NFE2L3: variants seen among roughly 807,000 people sequenced by gnomAD.
The protein encoded by NFE2L3 is NFE2 like bZIP transcription factor 3, also known as nuclear factor erythroid 2-related factor 3.
A neutral mutation model predicts 23.5 loss-of-function variants in NFE2L3; 18 were observed. That is an observed-to-expected ratio of 0.77 (90% CI 0.53 to 1.13). The LOEUF (loss-of-function observed/expected upper bound fraction) is 1.13. NFE2L3 is among the 50% of genes most tolerant of loss of function. The pLI, the probability that NFE2L3 is intolerant of heterozygous loss-of-function variation, is 0.00. For missense variants in NFE2L3, 1,152 were observed against 877.2 expected, an observed-to-expected ratio of 1.31 and a Z score of -3.96; for synonymous variants, 424 against 354.5, an observed-to-expected ratio of 1.20 and a Z score of -2.20.
chr7:26,184,470 GTAATAGAACT>G (rs1782428062), intron 3 of NFE2L3, 53 bp from the exon 4 acceptor site: 1 of 1,448,500 alleles, frequency 6.9e-7, no homozygotes, highest in African/African-American at 1.4e-5. Context: ...AAGTTGTTAG[GTAATAGAACT>G]GCTTCAGAAA....
At chr7:26,158,047 T>C (rs1784109178) in intron 1 of NFE2L3, among the ~76,000 whole-genome samples, 1 of 119,276 alleles carries the variant, frequency 8.4e-6, no homozygotes, top group Non-Finnish European at 1.8e-5. Context: ...TTTTTTTGTT[T>C]TGTTTTGTTT....
At position 26,176,991 on chromosome 7, in the gene NFE2L3, A is replaced by T. The variant is rs35904773; in HGVS notation, c.571-952A>T. Among the ~76,000 whole-genome samples, 3 of 24,106 alleles carry T rather than the reference A, an allele frequency of 1.2e-4. 1 individual carries two copies. The highest frequency in any genetic ancestry group is 1.0e-3 in the African/African-American group (2 of 1,988). The allele number at this position is 24,106 out of a possible 152,430, so 15.8% of individuals were successfully genotyped here. Reference sequence around the variant, plus strand: ...GCAGCCGGGCAGAGGCGCTCCTCACATCCCAGACGGGGTGGCCGGGCAGAG... The same window carrying T: ...GCAGCCGGGCAGAGGCGCTCCTCACTTCCCAGACGGGGTGGCCGGGCAGAG... On this transcript the variant is annotated intron_variant, in intron 1 of 3. Transcript: ENST00000056233.
chr7:26,184,316 C>G (rs1782418454), intron 3 of NFE2L3: 2 of 516,766 alleles, frequency 3.9e-6, no homozygotes, highest in Non-Finnish European at 6.8e-6. Context: ...ACTAATCCAT[C>G]TTAATTTCTA....
intron 2 of NFE2L3, among the ~76,000 whole-genome samples, chr7:26,182,868 A>T (rs1006197096): frequency 6.6e-6 from 1 of 152,166 alleles, no homozygotes; most frequent in African/African-American, 2.4e-5. Flanking sequence ...GTCACGACTC[A>T]CTGCAGCCTC....
chr7:26,168,293 C>T (rs1412888003), intron 1 of NFE2L3, among the ~76,000 whole-genome samples: 11 of 151,702 alleles, frequency 7.3e-5, no homozygotes, highest in Non-Finnish European at 1.3e-4. Context: ...CACGCCACCA[C>T]ACCTGGCTAA....
At chr7:26,167,953 A>G (rs1159207669) in intron 1 of NFE2L3, among the ~76,000 whole-genome samples, 2 of 152,004 alleles carry the variant, frequency 1.3e-5, no homozygotes, top group African/African-American at 4.8e-5. Context: ...TTAATTTTTT[A>G]TTTCCAAACA....
chr7:26,184,567 G>T lies in NFE2L3; in HGVS notation c.869G>T (p.Ser290Ile). The change falls in exon 4 of 4, where the codon AGT becomes ATT. Residue 290 changes from serine (S) to isoleucine (I), a missense_variant. Ser to Ile is a moderately radical substitution (Grantham distance 142). Coordinates refer to ENST00000056233, the MANE Select transcript of NFE2L3 (RefSeq NM_004289.7). ...ISLGDIPLPG[S>I]ISDGMNSSAH... ...TTGGGAGATATTCCTCTTCCAGGCAGTATCAGTGATGGCATGAATTCTTCA... is the reference window on the plus strand; with the variant it reads ...TTGGGAGATATTCCTCTTCCAGGCATTATCAGTGATGGCATGAATTCTTCA... 3 of 1,613,586 alleles carry T rather than the reference G, an allele frequency of 1.9e-6. No homozygotes were observed. Among genetic ancestry groups the T allele is most frequent in the Non-Finnish European group, 2.5e-6 (3 of 1,179,586 alleles).
chr7:26,171,373 G>A (rs181892554), intron 1 of NFE2L3, among the ~76,000 whole-genome samples: 2 of 151,972 alleles, frequency 1.3e-5, no homozygotes, highest in Non-Finnish European at 1.5e-5. Flanking sequence ...GTGAAACCTC[G>A]TTTCTACTAA....
At chr7:26,161,335 CTTTTTTTTTT>C (rs914055111) in intron 1 of NFE2L3, among the ~76,000 whole-genome samples, 4 of 69,576 alleles carry the variant, frequency 5.7e-5, no homozygotes, top group East Asian at 4.2e-4. Context: ...GCTTCTCTCT[CTTTTTTTTTT>C]TTTTTTTTTT....
chr7:26,183,311 G>A (rs1217956333), intron 2 of NFE2L3, among the ~76,000 whole-genome samples: 1 of 152,144 alleles, frequency 6.6e-6, no homozygotes, highest in African/African-American at 2.4e-5. Context: ...ACTTTGGGAG[G>A]CCTAGGTGGG....
chr7:26,152,495 G>C lies in NFE2L3; in HGVS notation c.-4G>C. 7.6e-7 allele frequency: 1 copy of C among 1,318,300 alleles called. No homozygotes were observed. Among genetic ancestry groups the C allele is most frequent in the Non-Finnish European group, 9.7e-7 (1 of 1,035,242 alleles). The allele number at this position is 1,318,300 out of a possible 1,614,324, so 81.7% of individuals were successfully genotyped here. A position where few individuals can be genotyped will look rare whatever the true frequency, so the allele number is the denominator to read the frequency against. On this transcript the variant is annotated 5_prime_UTR_variant, in exon 1 of 4. Transcript: ENST00000056233. The surrounding 1 kb of genome is among the most constrained non-coding windows in gnomAD (Gnocchi z 4.4). ...GCAGGGGCGTTCCCGGGCGCGCGGC[G>C]GCGATGAAGCACCTGAAGCGGTGGT...
intron 1 of NFE2L3, among the ~76,000 whole-genome samples, chr7:26,165,464 A>G (rs1369825580): frequency 2.0e-5 from 3 of 152,330 alleles, no homozygotes; most frequent in East Asian, 3.9e-4. Context: ...TTATTGGTAT[A>G]TAAGAATGCT....
chr7:26,153,146 C>A, intron 1 of NFE2L3, 78 bp downstream of exon 1: 1 of 1,359,962 alleles, frequency 7.4e-7, no homozygotes. Flanking sequence ...CGGATCTGAG[C>A]AGGGGCCACT....
At chr7:26,164,342 C>T (rs543943723) in intron 1 of NFE2L3, among the ~76,000 whole-genome samples, 4 of 152,114 alleles carry the variant, frequency 2.6e-5, no homozygotes, top group East Asian at 1.9e-4. Context: ...TTTTAATGAT[C>T]GCCATTCTAA....
chr7:26,161,335 C>CTTTTTTTTTTT (rs914055111), intron 1 of NFE2L3, among the ~76,000 whole-genome samples: 1 of 69,576 alleles, frequency 1.4e-5, no homozygotes, highest in Non-Finnish European at 2.8e-5. Flanking sequence ...GCTTCTCTCT[C>CTTTTTTTTTTT]TTTTTTTTTT....
chr7:26,154,153 T>G (rs541248398), intron 1 of NFE2L3, among the ~76,000 whole-genome samples: 97 of 152,312 alleles, frequency 6.4e-4, no homozygotes, highest in South Asian at 1.0e-3. Flanking sequence ...TTCACTGTTA[T>G]GCTGATCTGA....
intron 2 of NFE2L3, among the ~76,000 whole-genome samples, chr7:26,180,832 AAAACTTTTCAG>A (rs749617183): frequency 3.6e-4 from 55 of 152,362 alleles, no homozygotes; most frequent in Admixed American, 1.0e-3. Context: ...CAATTTGGAC[AAAACTTTTCAG>A]AAACATATTA....
chr7:26,162,203 T>C (rs1042068173), intron 1 of NFE2L3, among the ~76,000 whole-genome samples: 1 of 152,016 alleles, frequency 6.6e-6, no homozygotes, highest in Non-Finnish European at 1.5e-5. Context: ...GCTAAAAATA[T>C]TAGCGAGGAG....
At chr7:26,154,297 CTG>C (rs1491097959) in intron 1 of NFE2L3, among the ~76,000 whole-genome samples, 1 of 152,218 alleles carries the variant, frequency 6.6e-6, no homozygotes, top group Non-Finnish European at 1.5e-5. Context: ...CCCATGGGGT[CTG>C]TCTCACCTAA....
Sources: gnomAD v4.1 joint callset for allele counts (sites outside exome capture counted in the v4.1 genomes callset) on GRCh38, gnomAD v4.1.1 for gene constraint, Gnocchi (gnomAD v3.1) non-coding constraint, MANE v1.5 for transcripts, NCBI Gene and HGNC (gene_info 2026-07-23, HGNC 2026-07-21) for gene names.